The following NSD3 variants were observed in gnomAD, a reference collection of about 807,000 sequenced individuals.
NSD3 encodes nuclear receptor binding SET domain protein 3.
Under a neutral mutation model 160.8 loss-of-function variants are expected in NSD3, and 24 were observed. That is an observed-to-expected ratio of 0.15 (90% CI 0.11 to 0.21). The LOEUF is 0.21. NSD3 is among the 10% of genes least tolerant of loss of function. The pLI, the probability that NSD3 is intolerant of heterozygous loss-of-function variation, is 1.00. For synonymous variants in NSD3, 520 were observed against 600.0 expected, an observed-to-expected ratio of 0.87 and a Z score of 1.95; for missense variants, 1,157 against 1,735.9, an observed-to-expected ratio of 0.67 and a Z score of 5.93.
chr8:38,335,881 G>A (rs1471669912), intron 4 of NSD3: 2 of 152,200 alleles, frequency 1.3e-5, no homozygotes, highest in African/African-American at 4.8e-5. Context: ...ATATATAAGA[G>A]AACTACTGAA....
intron 19 of NSD3, among the ~76,000 whole-genome samples, chr8:38,282,073 T>A (rs978302762): frequency 2.0e-5 from 3 of 152,198 alleles, no homozygotes; most frequent in Non-Finnish European, 4.4e-5. Context: ...GTTTCCCCAG[T>A]GGTAACATCT....
At chr8:38,350,679 G>C (rs907576567) in intron 1 of NSD3, among the ~76,000 whole-genome samples, 2 of 152,098 alleles carry the variant, frequency 1.3e-5, no homozygotes, top group African/African-American at 4.8e-5. Context: ...AATAAATCTG[G>C]GGTGGGGTCC....
chr8:38,322,187 T>C (rs1182458170), intron 7 of NSD3, among the ~76,000 whole-genome samples: 1 of 152,228 alleles, frequency 6.6e-6, no homozygotes, highest in African/African-American at 2.4e-5. Context: ...CTCTTGGCTA[T>C]GTATAAATGA....
intron 2 of NSD3, among the ~76,000 whole-genome samples, chr8:38,339,264 T>C (rs894650654): frequency 2.6e-5 from 4 of 152,232 alleles, no homozygotes; most frequent in African/African-American, 7.2e-5. Context: ...CTTGAAACTT[T>C]TCTGAGAGCA....
intron 1 of NSD3, among the ~76,000 whole-genome samples, chr8:38,366,418 CTTTT>C (rs374656504): frequency 7.6e-6 from 1 of 132,188 alleles, no homozygotes; most frequent in Non-Finnish European, 1.6e-5. Flanking sequence ...CTACTTAATT[CTTTT>C]TTTTTTTTTT....
chr8:38,342,273 G>A (rs190395323), intron 2 of NSD3, among the ~76,000 whole-genome samples: 106 of 152,252 alleles, frequency 7.0e-4, no homozygotes, highest in African/African-American at 2.5e-3. Context: ...GATATACCTG[G>A]TAGGCATTCA....
At chr8:38,303,037 A>G (rs879411570) in intron 14 of NSD3, among the ~76,000 whole-genome samples, 2 of 152,252 alleles carry the variant, frequency 1.3e-5, no homozygotes, top group Admixed American at 1.3e-4. Flanking sequence ...GTGCCCCAAC[A>G]TAAGCCAACA....
intron 14 of NSD3, among the ~76,000 whole-genome samples, chr8:38,300,416 C>T (rs566691137): frequency 5.9e-5 from 9 of 152,246 alleles, no homozygotes; most frequent in Admixed American, 2.6e-4. Flanking sequence ...AATCCTCCCA[C>T]CTTGGTCTTC....
At chr8:38,302,569 GGGTT>G (rs1317684223) in intron 14 of NSD3, among the ~76,000 whole-genome samples, 1 of 152,156 alleles carries the variant, frequency 6.6e-6, no homozygotes, top group Non-Finnish European at 1.5e-5. Context: ...TGTTAAACAT[GGGTT>G]TTCCCTCCAC....
At chr8:38,315,872 C>A in intron 10 of NSD3, 40 bp downstream of exon 10, 1 of 1,586,878 alleles carries the variant, frequency 6.3e-7, no homozygotes, top group South Asian at 1.2e-5. Flanking sequence ...GCATTATGTT[C>A]AAGAAAGAAC....
chr8:38,314,599 G>C (rs1197898513), intron 12 of NSD3, 48 bp downstream of exon 12: 1 of 1,610,914 alleles, frequency 6.2e-7, no homozygotes, highest in East Asian at 2.2e-5. Flanking sequence ...CACATTCCTG[G>C]CACAATCCCA....
intron 21 of NSD3, among the ~76,000 whole-genome samples, chr8:38,278,862 C>A (rs1165982389): frequency 6.6e-6 from 1 of 152,220 alleles, no homozygotes; most frequent in East Asian, 1.9e-4. Context: ...ACTGCATACA[C>A]CAAAGATCCA....
At chr8:38,359,944 G>A (rs1031176788) in intron 1 of NSD3, among the ~76,000 whole-genome samples, 5 of 151,798 alleles carry the variant, frequency 3.3e-5, no homozygotes, top group African/African-American at 7.3e-5. Context: ...TTTGAACCAC[G>A]ATAGTACAAA....
At chr8:38,307,040 G>A (rs1477067125) in intron 12 of NSD3, among the ~76,000 whole-genome samples, 7 of 151,150 alleles carry the variant, frequency 4.6e-5, no homozygotes, top group Non-Finnish European at 8.8e-5. Context: ...GCGTCAACCC[G>A]GGAGGTGGAA....
At chr8:38,340,096 T>TAA (rs201547409) in intron 2 of NSD3, among the ~76,000 whole-genome samples, 3 of 147,644 alleles carry the variant, frequency 2.0e-5, no homozygotes, top group Non-Finnish European at 3.0e-5. Flanking sequence ...GTCTTTTCTG[T>TAA]AAAAAAAAAA....
Position 38,281,435 on chromosome 8 carries a change from C to A in NSD3, c.3618+32G>T, listed in dbSNP as rs1333282714. 6.6e-6 allele frequency: 8 copies of A among 1,218,844 alleles called. No homozygotes were observed. In the Admixed American group the frequency reaches 8.3e-5, roughly 13 times the overall value. The allele number at this position is 1,218,844 out of a possible 1,614,324, so 75.5% of individuals were successfully genotyped here. A position where few individuals can be genotyped will look rare whatever the true frequency, so the allele number is the denominator to read the frequency against. On this transcript the variant is annotated intron_variant, in intron 20 of 23. Coordinates refer to ENST00000317025, the MANE Select transcript of NSD3 (RefSeq NM_023034.2). ...ATGAAACAAAAACAAAAACAAATCC[C>A]TTTTTCTTACAAAAAAAAAAAGCAA...
chr8:38,276,506 A>G lies in NSD3; in HGVS notation c.3868-6T>C. Reference sequence around the variant, plus strand: ...TTTGTTGACGCACATGCCGACTGGCAGGAAAGAAAGGATCATAGTTTCAAA... The same window carrying G: ...TTTGTTGACGCACATGCCGACTGGCGGGAAAGAAAGGATCATAGTTTCAAA... On this transcript the variant is annotated splice_polypyrimidine_tract_variant and splice_region_variant and intron_variant, in intron 22 of 23. Transcript: ENST00000317025. 6.2e-7 allele frequency: 1 copy of G among 1,614,044 alleles called. No individual in the cohort carries two copies. The highest frequency in any genetic ancestry group is 1.1e-5 in the South Asian group (1 of 91,072).
At chr8:38,297,746 G>A (rs1454016596) in intron 15 of NSD3, among the ~76,000 whole-genome samples, 1 of 151,638 alleles carries the variant, frequency 6.6e-6, no homozygotes. Context: ...TACCAACCTA[G>A]AGATCAGATG....
rs527883848 is a variant in NSD3, at chr8:38,376,733, G to A, written c.-45+5066C>T. Among the ~76,000 whole-genome samples the A allele has an allele frequency of 2.0e-5, 3 of 152,206 alleles. No individual in the cohort carries two copies. The East Asian group carries it at 5.8e-4, about 29-fold the overall frequency. On this transcript the variant is annotated intron_variant, in intron 1 of 23. Transcript: ENST00000317025. ...GTTACAGGCGTGAGCCACTGCGCCCGGCCAGGCAGCTCCAATACTTTAAGG... is the reference window on the plus strand; with the variant it reads ...GTTACAGGCGTGAGCCACTGCGCCCAGCCAGGCAGCTCCAATACTTTAAGG...
Sources: allele counts gnomAD v4.1 joint callset (sites outside exome capture counted in the v4.1 genomes callset), GRCh38; gene constraint gnomAD v4.1.1; transcripts MANE v1.5; gene names NCBI Gene and HGNC (gene_info 2026-07-23, HGNC 2026-07-21).